CACNA2D4: variants seen among roughly 807,000 people sequenced by gnomAD.
CACNA2D4 encodes calcium voltage-gated channel auxiliary subunit alpha2delta 4, also known as voltage-dependent calcium channel subunit alpha-2/delta-4.
Under a neutral mutation model 163.8 loss-of-function variants are expected in CACNA2D4, and 157 were observed. The observed-to-expected ratio is 0.96, with a 90% CI of 0.84 to 1.09. The LOEUF is 1.09. Among genes scored for constraint, CACNA2D4 ranks in the 50% least tolerant of loss-of-function variants. The probability of loss-of-function intolerance (pLI) is 0.00; values close to 1 mark genes in which losing one functional copy is unlikely to be tolerated. For synonymous variants in CACNA2D4, 598 were observed against 586.9 expected, an observed-to-expected ratio of 1.02 and a Z score of -0.27; for missense variants, 1,410 against 1,479.9, an observed-to-expected ratio of 0.95 and a Z score of 0.78.
intron 6 of CACNA2D4, among the ~76,000 whole-genome samples, chr12:1,902,257 T>A (rs1866555792): frequency 6.6e-6 from 1 of 152,058 alleles, no homozygotes; most frequent in Admixed American, 6.6e-5. Context: ...GCTAGTATCA[T>A]ATTAGATGGG....
intron 35 of CACNA2D4, among the ~76,000 whole-genome samples, chr12:1,796,208 C>T (rs946252592): frequency 1.3e-5 from 2 of 152,200 alleles, no homozygotes; most frequent in South Asian, 2.1e-4. Flanking sequence ...GCAGTGGCCC[C>T]GCGCTCGGCG....
chr12:1,873,743 G>A (rs988381714), intron 18 of CACNA2D4, among the ~76,000 whole-genome samples: 10 of 152,196 alleles, frequency 6.6e-5, no homozygotes, highest in African/African-American at 2.2e-4. Context: ...CCTCACTATA[G>A]TGCCCAGTCT....
chr12:1,881,553 C>A (rs1565726786), intron 13 of CACNA2D4, among the ~76,000 whole-genome samples: 1 of 152,252 alleles, frequency 6.6e-6, no homozygotes, highest in Non-Finnish European at 1.5e-5. Context: ...TGGCTACTGG[C>A]AGGCAGATGA....
intron 35 of CACNA2D4, among the ~76,000 whole-genome samples, chr12:1,796,290 C>T (rs557492806): frequency 3.1e-4 from 47 of 152,354 alleles, no homozygotes; most frequent in Admixed American, 3.1e-3. Flanking sequence ...TCCCAGCAGT[C>T]CCAGCGGCCG....
chr12:1,844,760 G>T lies in CACNA2D4; in HGVS notation c.2343-231C>A, dbSNP rs1336339030. Reference sequence around the variant, plus strand: ...GAGGCATAGGGTCTGTAGAGTGAGGGGATACTTTCCATTTTTATGTAAACT... The same window carrying T: ...GAGGCATAGGGTCTGTAGAGTGAGGTGATACTTTCCATTTTTATGTAAACT... On this transcript the variant is annotated intron_variant, in intron 24 of 37. Transcript: ENST00000382722. The surrounding 1 kb of genome is among the most constrained non-coding windows in gnomAD (Gnocchi z 4.2). 6.6e-6 allele frequency among the ~76,000 whole-genome samples: 1 copy of T among 152,116 alleles called. No individual in the cohort carries two copies. Among genetic ancestry groups the T allele is most frequent in the African/African-American group, 2.4e-5 (1 of 41,420 alleles).
At chr12:1,856,741 A>G (rs1240223314) in intron 20 of CACNA2D4, among the ~76,000 whole-genome samples, 1 of 152,220 alleles carries the variant, frequency 6.6e-6, no homozygotes, top group Non-Finnish European at 1.5e-5. Context: ...CACCTAACAC[A>G]GAGCCAGCCT....
chr12:1,847,461 GT>G (rs986403548), intron 23 of CACNA2D4, among the ~76,000 whole-genome samples: 1 of 152,218 alleles, frequency 6.6e-6, no homozygotes, highest in Admixed American at 6.5e-5. Context: ...GGATAGACCT[GT>G]GTCTGTGGGT....
chr12:1,885,351 C>T (rs1014927339), intron 9 of CACNA2D4, among the ~76,000 whole-genome samples: 4 of 152,150 alleles, frequency 2.6e-5, no homozygotes, highest in Admixed American at 2.6e-4. Context: ...AGGGGGAGGA[C>T]AGTTCTGGGA....
At chr12:1,800,319 C>T in intron 32 of CACNA2D4, 67 bp downstream of exon 32, 1 of 1,548,644 alleles carries the variant, frequency 6.5e-7, no homozygotes, top group Non-Finnish European at 8.9e-7. Context: ...GCCTCCTGCT[C>T]AAGGACACCC....
intron 6 of CACNA2D4, among the ~76,000 whole-genome samples, chr12:1,891,042 C>G (rs1368605041): frequency 6.6e-6 from 1 of 152,216 alleles, no homozygotes; most frequent in Non-Finnish European, 1.5e-5. Context: ...ACACCCACTT[C>G]TCTGGGGACT....
chr12:1,839,796 A>G (rs1275589566), intron 26 of CACNA2D4, among the ~76,000 whole-genome samples: 1 of 152,008 alleles, frequency 6.6e-6, no homozygotes, highest in Non-Finnish European at 1.5e-5. Context: ...GGAATGGCAC[A>G]GGAATCAGCA....
intron 1 of CACNA2D4, among the ~76,000 whole-genome samples, chr12:1,915,545 C>T (rs542701499): frequency 4.1e-4 from 62 of 152,322 alleles, no homozygotes; most frequent in African/African-American, 1.4e-3. Flanking sequence ...TGGGGGCTGC[C>T]GAACCCTCTG....
At chr12:1,794,157 C>A (rs985075673) in intron 37 of CACNA2D4, among the ~76,000 whole-genome samples, 1 of 152,154 alleles carries the variant, frequency 6.6e-6, no homozygotes, top group Non-Finnish European at 1.5e-5. Flanking sequence ...CACGTGACGG[C>A]CCCCTCACAT....
At chr12:1,810,378 C>A in intron 28 of CACNA2D4, 38 bp from the exon 29 acceptor site, 3 of 1,591,554 alleles carry the variant, frequency 1.9e-6, no homozygotes, top group Non-Finnish European at 2.6e-6. Flanking sequence ...TGCCAGGGCC[C>A]TCACCCACCC....
At position 1,793,273 on chromosome 12, in the gene CACNA2D4, G is replaced by A. The variant is rs1863026989; in HGVS notation, c.*382C>T. ...CTACCAGAGACCACTCCGACAGAAA[G>A]GGTCAGAAACAACTGACCCTTTCTT... On this transcript the variant is annotated 3_prime_UTR_variant, in exon 38 of 38. Transcript: ENST00000382722. 4.6e-6 allele frequency: 1 copy of A among 215,886 alleles called. No homozygotes were observed. Among genetic ancestry groups the A allele is most frequent in the African/African-American group, 2.3e-5 (1 of 43,886 alleles). The allele number at this position is 215,886 out of a possible 1,614,324, so 13.4% of individuals were successfully genotyped here.
Position 1,908,020 on chromosome 12 carries a change from C to A in CACNA2D4, c.504G>T (p.Ser168=). The A allele has an allele frequency of 1.2e-6, 2 of 1,613,496 alleles. No homozygotes were observed. Among genetic ancestry groups the A allele is most frequent in the Non-Finnish European group, 1.7e-6 (2 of 1,179,564 alleles). ...TCTCGTCCCTCTCGTTGATCAGGACCGAGTTGTAATAGTCGAACTGGGGTG... is the reference window on the plus strand; with the variant it reads ...TCTCGTCCCTCTCGTTGATCAGGACAGAGTTGTAATAGTCGAACTGGGGTG... ...NESLVFDYYN[S]VLINERDEKG... Residue 168 remains serine, a synonymous_variant, in exon 5 of 38, where the codon TCG becomes TCT. Transcript: ENST00000382722.
At chr12:1,884,714 A>T in intron 11 of CACNA2D4, 54 bp downstream of exon 11, 1 of 1,199,310 alleles carries the variant, frequency 8.3e-7, no homozygotes, top group East Asian at 2.4e-5. Context: ...TGGTGATCCC[A>T]TCCATGGCAG....
intron 34 of CACNA2D4, among the ~76,000 whole-genome samples, chr12:1,797,920 G>A (rs1416868769): frequency 2.0e-5 from 3 of 152,134 alleles, no homozygotes; most frequent in Non-Finnish European, 4.4e-5. Context: ...TGGCTTGGGG[G>A]TACTTAGGCC....
Position 1,907,454 on chromosome 12 carries a change from A to G in CACNA2D4, c.767T>C (p.Phe256Ser). The G allele has an allele frequency of 6.2e-7, 1 of 1,613,956 alleles. No homozygotes were observed. Among genetic ancestry groups the G allele is most frequent in the Non-Finnish European group, 8.5e-7 (1 of 1,179,866 alleles). The change falls in exon 6 of 38, where the codon TTC becomes TCC. Residue 256 changes from phenylalanine to serine, a missense_variant. By Grantham distance (155) the Phe-to-Ser change is radical. Transcript: ENST00000382722. ...CATGTCCTTACCTGGATAGATCCTG[A>G]AGAATCCAGTTGCACTGCCAAAATA... Reference protein sequence around the residue: ...WQYFGSATGFFRIYPGIKWTP... With the variant: ...WQYFGSATGFSRIYPGIKWTP...
Sources: allele counts gnomAD v4.1 joint callset (sites outside exome capture counted in the v4.1 genomes callset), GRCh38; gene constraint gnomAD v4.1.1; non-coding constraint Gnocchi (gnomAD v3.1); transcripts MANE v1.5; gene names NCBI Gene and HGNC (gene_info 2026-07-23, HGNC 2026-07-21).